SLC8A1: variants seen among roughly 807,000 people sequenced by gnomAD.
SLC8A1 encodes solute carrier family 8 member A1.
A neutral mutation model predicts 68.3 loss-of-function variants in SLC8A1; 18 were observed. The observed-to-expected ratio is 0.26, with a 90% CI of 0.18 to 0.39. The LOEUF (loss-of-function observed/expected upper bound fraction) is 0.39, where lower values mean the gene tolerates loss of function less well. SLC8A1 is among the 10% of genes least tolerant of loss of function. SLC8A1 has a pLI of 1.00. For synonymous variants in SLC8A1, 475 were observed against 415.5 expected (o/e 1.14, Z -1.74); for missense variants, 985 against 1,156.7 (o/e 0.85, Z 2.15).
intron 2 of SLC8A1, among the ~76,000 whole-genome samples, chr2:40,365,381 A>G (rs74764930): frequency 0.024 from 3,672 of 152,262 alleles, 56 homozygotes; most frequent in Middle Eastern, 0.037. Context: ...AATAACCTGT[A>G]GAAAATAAAA....
intron 2 of SLC8A1, among the ~76,000 whole-genome samples, chr2:40,248,438 C>T (rs534151783): frequency 3.1e-4 from 47 of 152,092 alleles, no homozygotes; most frequent in African/African-American, 1.1e-3. Context: ...CATCACACCA[C>T]CTGCAGGCAC....
chr2:40,117,794 T>C (rs549271799), intron 7 of SLC8A1, among the ~76,000 whole-genome samples: 2 of 152,304 alleles, frequency 1.3e-5, no homozygotes, highest in South Asian at 4.1e-4. Flanking sequence ...TCTGTTGTTA[T>C]GCTATTGCCA....
chr2:40,180,449 C>T (rs893593986), intron 2 of SLC8A1, among the ~76,000 whole-genome samples: 6 of 152,164 alleles, frequency 3.9e-5, no homozygotes, highest in African/African-American at 1.4e-4. Context: ...AAAACTTACG[C>T]ATTTTGGGTA....
chr2:40,325,612 C>T (rs2149354994), intron 2 of SLC8A1, among the ~76,000 whole-genome samples: 1 of 151,698 alleles, frequency 6.6e-6, no homozygotes, highest in Non-Finnish European at 1.5e-5. Flanking sequence ...AAACCTGAAT[C>T]AATATAATAG....
chr2:40,266,678 C>A (rs960034414), intron 2 of SLC8A1, among the ~76,000 whole-genome samples: 1 of 152,164 alleles, frequency 6.6e-6, no homozygotes, highest in Non-Finnish European at 1.5e-5. Flanking sequence ...CTCATATGCA[C>A]ATTGTGTACC....
At chr2:40,153,396 GA>G (rs1360400136) in intron 6 of SLC8A1, among the ~76,000 whole-genome samples, 1 of 152,154 alleles carries the variant, frequency 6.6e-6, no homozygotes, top group Non-Finnish European at 1.5e-5. Context: ...AGTATCTAGA[GA>G]AGCCAAAGAT....
chr2:40,292,726 T>C (rs945076931), intron 2 of SLC8A1, among the ~76,000 whole-genome samples: 2 of 152,166 alleles, frequency 1.3e-5, no homozygotes, highest in African/African-American at 4.8e-5. Context: ...TACTTTTTTA[T>C]TTGTCTTTTG....
chr2:40,144,709 A>G (rs1236655045), intron 6 of SLC8A1, among the ~76,000 whole-genome samples: 1 of 152,154 alleles, frequency 6.6e-6, no homozygotes, highest in Non-Finnish European at 1.5e-5. Context: ...GTGGGGACCA[A>G]GAAAACATGG....
chr2:40,163,257 T>G (rs1245117810), intron 5 of SLC8A1, among the ~76,000 whole-genome samples: 1 of 152,194 alleles, frequency 6.6e-6, no homozygotes, highest in Non-Finnish European at 1.5e-5. Flanking sequence ...CTTGCTTAAC[T>G]TAATGCTTCT....
At chr2:40,258,473 T>C (rs1457261702) in intron 2 of SLC8A1, among the ~76,000 whole-genome samples, 1 of 152,076 alleles carries the variant, frequency 6.6e-6, no homozygotes, top group African/African-American at 2.4e-5. Context: ...TCTTCCTCCC[T>C]CTCCACCCAA....
intron 1 of SLC8A1, among the ~76,000 whole-genome samples, chr2:40,486,472 A>G (rs946114178): frequency 6.6e-6 from 1 of 152,190 alleles, no homozygotes; most frequent in African/African-American, 2.4e-5. Context: ...ACCCTGAAAC[A>G]CAATTCTGCC....
At position 40,147,244 on chromosome 2, in the gene SLC8A1, C is replaced by T. The variant is rs993033427; in HGVS notation, c.2162-7568G>A. Among the ~76,000 whole-genome samples the T allele has an allele frequency of 2.6e-5, 4 of 151,852 alleles. 1 individual carries two copies. The highest frequency in any genetic ancestry group is 4.2e-4 in the South Asian group (2 of 4,804). On this transcript the variant is annotated intron_variant, in intron 6 of 7. Coordinates refer to ENST00000406785, the Ensembl canonical transcript of SLC8A1. ...TGTCTCTTGTTCCTAAAAAAAAATC[C>T]GCTATATGAATTGGGTGTTCCTAAA...
intron 2 of SLC8A1, among the ~76,000 whole-genome samples, chr2:40,328,553 A>G (rs1306954630): frequency 1.3e-5 from 2 of 151,820 alleles, no homozygotes; most frequent in African/African-American, 2.4e-5. Context: ...CCCAATCTCT[A>G]TTTTCAGCTC....
chr2:40,446,590 G>C (rs917301284), intron 1 of SLC8A1: 1 of 152,234 alleles, frequency 6.6e-6, no homozygotes, highest in South Asian at 2.1e-4. Flanking sequence ...AGTTGCAGTG[G>C]AGTGATCTTT....
intron 2 of SLC8A1, among the ~76,000 whole-genome samples, chr2:40,379,638 T>G (rs926451472): frequency 2.7e-5 from 4 of 149,880 alleles, no homozygotes; most frequent in Non-Finnish European, 5.9e-5. Flanking sequence ...GCCTTCATGA[T>G]TTTGCCTTTT....
At chr2:40,159,307 T>A (rs1332143677) in intron 6 of SLC8A1, among the ~76,000 whole-genome samples, 1 of 152,244 alleles carries the variant, frequency 6.6e-6, no homozygotes, top group Non-Finnish European at 1.5e-5. Flanking sequence ...TTCGCTGTCA[T>A]GTGCCTTGCA....
chr2:40,175,674 C>T (rs1016818152), intron 3 of SLC8A1, among the ~76,000 whole-genome samples: 1 of 152,096 alleles, frequency 6.6e-6, no homozygotes, highest in Non-Finnish European at 1.5e-5. Flanking sequence ...GAGGCTTCCT[C>T]ATTAAATATT....
chr2:40,475,939 T>A (rs1704277826), intron 1 of SLC8A1, among the ~76,000 whole-genome samples: 1 of 152,174 alleles, frequency 6.6e-6, no homozygotes, highest in Non-Finnish European at 1.5e-5. Context: ...TTGGGAGAAT[T>A]TGTCTCCTCT....
intron 7 of SLC8A1, among the ~76,000 whole-genome samples, chr2:40,133,895 A>G (rs1341101387): frequency 1.3e-5 from 2 of 152,220 alleles, no homozygotes; most frequent in African/African-American, 4.8e-5. Flanking sequence ...GTAAGCTAAA[A>G]GAATGTCCAA....
Sources: gnomAD v4.1 joint callset for allele counts (sites outside exome capture counted in the v4.1 genomes callset) on GRCh38, gnomAD v4.1.1 for gene constraint, MANE v1.5 for transcripts, NCBI Gene and HGNC (gene_info 2026-07-23, HGNC 2026-07-21) for gene names.